Variants in DPYD observed in about 807,000 individuals in gnomAD.
DPYD encodes the protein dihydropyrimidine dehydrogenase [NADP(+)].
Under a neutral mutation model 116.2 loss-of-function variants are expected in DPYD, and 109 were observed. The ratio of observed to expected loss-of-function variants is 0.94; its 90% CI spans 0.80 to 1.10. The LOEUF is 1.10. Among genes scored for constraint, DPYD ranks in the 50% least tolerant of loss-of-function variants. The pLI is 0.00. For synonymous variants in DPYD, 440 were observed against 432.0 expected, an observed-to-expected ratio of 1.02 and a Z score of -0.23; for missense variants, 1,302 against 1,254.5, an observed-to-expected ratio of 1.04 and a Z score of -0.57.
intron 14 of DPYD, among the ~76,000 whole-genome samples, chr1:97,437,477 TTTGTTG>T (rs949287603): frequency 6.6e-6 from 1 of 151,892 alleles, no homozygotes; most frequent in African/African-American, 2.4e-5. Flanking sequence ...TCCCAGGTTT[TTTGTTG>T]TTGTTGTTGT....
At position 97,564,124 on chromosome 1, in the gene DPYD, G is replaced by A. The variant is rs145756937; in HGVS notation, c.1339+9636C>T. 6.0e-4 allele frequency among the ~76,000 whole-genome samples: 91 copies of A among 152,168 alleles called. 1 individual carries two copies. In the East Asian group the frequency reaches 0.011, roughly 19 times the overall value. ...AAAAATAGTTCATTTTCATCATTTC[G>A]CAATCGGTACACAGGATCTATCAAT... On this transcript the variant is annotated intron_variant, in intron 11 of 22. Transcript: ENST00000370192.
At chr1:97,629,806 G>A (rs1657147672) in intron 8 of DPYD, among the ~76,000 whole-genome samples, 1 of 151,998 alleles carries the variant, frequency 6.6e-6, no homozygotes, top group Admixed American at 6.6e-5. Context: ...TATGATCTAT[G>A]CAATCATTTT....
chr1:97,417,814 C>T (rs1674367101), intron 14 of DPYD, among the ~76,000 whole-genome samples: 1 of 152,136 alleles, frequency 6.6e-6, no homozygotes, highest in Non-Finnish European at 1.5e-5. Context: ...AATAATGGAA[C>T]ATTGAAGTAA....
intron 2 of DPYD, among the ~76,000 whole-genome samples, chr1:97,870,740 C>A (rs1264412906): frequency 6.6e-6 from 1 of 151,814 alleles, no homozygotes; most frequent in African/African-American, 2.4e-5. Flanking sequence ...GTGCAGCCTG[C>A]ACAGACGTCA....
intron 12 of DPYD, among the ~76,000 whole-genome samples, chr1:97,533,999 A>G (rs77920795): frequency 0.015 from 2,326 of 152,286 alleles, 28 homozygotes; most frequent in Middle Eastern, 0.034. Flanking sequence ...GGTAGTATCT[A>G]TCACCACTGA....
At chr1:97,110,400 T>C (rs977661516) in intron 20 of DPYD, among the ~76,000 whole-genome samples, 6 of 152,082 alleles carry the variant, frequency 3.9e-5, no homozygotes, top group Non-Finnish European at 8.8e-5. Flanking sequence ...GTATCCTATG[T>C]CCTTTAAAAG....
At chr1:97,232,516 C>A (rs1661648848) in intron 19 of DPYD, among the ~76,000 whole-genome samples, 1 of 152,082 alleles carries the variant, frequency 6.6e-6, no homozygotes, top group Admixed American at 6.6e-5. Context: ...CTCTGGGACT[C>A]TGAGGACATT....
intron 5 of DPYD, among the ~76,000 whole-genome samples, chr1:97,708,304 A>G (rs942880980): frequency 2.6e-5 from 4 of 152,052 alleles, no homozygotes; most frequent in African/African-American, 9.7e-5. Flanking sequence ...GAGGTTTATG[A>G]TCCATCTTTA....
chr1:97,835,110 G>A (rs1382216668), intron 2 of DPYD, among the ~76,000 whole-genome samples: 1 of 151,986 alleles, frequency 6.6e-6, no homozygotes, highest in Non-Finnish European at 1.5e-5. Context: ...CCCTGTCTAG[G>A]AGAATCTTAT....
chr1:97,354,759 A>C (rs896108417), intron 16 of DPYD, among the ~76,000 whole-genome samples: 3 of 152,230 alleles, frequency 2.0e-5, no homozygotes, highest in African/African-American at 4.8e-5. Flanking sequence ...TGACACGAAA[A>C]GACATTTTGT....
intron 18 of DPYD, among the ~76,000 whole-genome samples, chr1:97,294,341 GAGAA>G (rs1171192514): frequency 1.1e-4 from 17 of 152,246 alleles, no homozygotes; most frequent in Admixed American, 1.0e-3. Flanking sequence ...CAGGAGAAAT[GAGAA>G]AGAGTGTGAG....
intron 11 of DPYD, among the ~76,000 whole-genome samples, chr1:97,560,520 A>G (rs1267634161): frequency 2.0e-5 from 3 of 151,962 alleles, no homozygotes; most frequent in Non-Finnish European, 4.4e-5. Context: ...AATAGGAAAA[A>G]AAGCAAGGCA....
intron 19 of DPYD, among the ~76,000 whole-genome samples, chr1:97,216,027 T>A (rs1238041478): frequency 6.6e-6 from 1 of 152,224 alleles, no homozygotes; most frequent in Non-Finnish European, 1.5e-5. Context: ...AGGCTACTGA[T>A]AAGTGATTTT....
chr1:97,532,726 T>C (rs935444830), intron 12 of DPYD, among the ~76,000 whole-genome samples: 1 of 150,860 alleles, frequency 6.6e-6, no homozygotes, highest in Middle Eastern at 3.2e-3. Context: ...TCCTGTTTCA[T>C]TTCCGATTTT....
chr1:97,248,804 T>TC (rs1280077354), intron 18 of DPYD, among the ~76,000 whole-genome samples: 1 of 152,172 alleles, frequency 6.6e-6, no homozygotes, highest in African/African-American at 2.4e-5. Flanking sequence ...TATACTCTAT[T>TC]CCATATACTC....
intron 20 of DPYD, among the ~76,000 whole-genome samples, chr1:97,164,943 C>T (rs866529961): frequency 4.6e-5 from 7 of 151,618 alleles, no homozygotes; most frequent in South Asian, 2.1e-4. Context: ...CTGCTGACCT[C>T]GTGATCCACC....
chr1:97,498,494 G>C (rs1319612255), intron 13 of DPYD, among the ~76,000 whole-genome samples: 110 of 93,886 alleles, frequency 1.2e-3, no homozygotes, highest in East Asian at 4.3e-3. Context: ...CTTTCTCTGT[G>C]TGTGTGTGTG....
At chr1:97,886,720 C>G (rs1026810560) in intron 1 of DPYD, among the ~76,000 whole-genome samples, 6 of 151,888 alleles carry the variant, frequency 4.0e-5, no homozygotes, top group Non-Finnish European at 1.5e-5. Flanking sequence ...CAGGGAAGTT[C>G]AAACCTAAGA....
intron 16 of DPYD, among the ~76,000 whole-genome samples, chr1:97,369,637 T>A (rs935508734): frequency 2.6e-5 from 4 of 152,174 alleles, no homozygotes; most frequent in Non-Finnish European, 4.4e-5. Context: ...AGAAGAGTCA[T>A]ATTTTATTTT....
Sources: allele counts gnomAD v4.1 joint callset (sites outside exome capture counted in the v4.1 genomes callset), GRCh38; gene constraint gnomAD v4.1.1; transcripts MANE v1.5; gene names NCBI Gene and HGNC (gene_info 2026-07-23, HGNC 2026-07-21).